Variants in PPM1H observed in about 807,000 individuals in gnomAD.
PPM1H encodes the protein protein phosphatase 1H.
A neutral mutation model predicts 54.9 loss-of-function variants in PPM1H; 27 were observed. The observed-to-expected ratio is 0.49, with a 90% CI of 0.36 to 0.68. PPM1H has a LOEUF of 0.68. PPM1H is among the 30% of genes least tolerant of loss of function. The pLI is 0.00. For missense variants in PPM1H, 596 were observed against 667.8 expected (o/e 0.89, Z 1.19); for synonymous variants, 305 against 270.8 (o/e 1.13, Z -1.24).
intron 4 of PPM1H, among the ~76,000 whole-genome samples, chr12:62,750,594 G>C (rs546758569): frequency 6.6e-6 from 1 of 152,228 alleles, no homozygotes; most frequent in East Asian, 1.9e-4. Context: ...ACAAGTTTTT[G>C]TGTAAATATA....
chr12:62,898,725 C>G (rs1871071424), intron 1 of PPM1H, among the ~76,000 whole-genome samples: 1 of 152,160 alleles, frequency 6.6e-6, no homozygotes, highest in Admixed American at 6.5e-5. Context: ...ATTACCAACC[C>G]ACATTTCTCC....
At chr12:62,839,673 A>AG (rs1868650232) in intron 1 of PPM1H, among the ~76,000 whole-genome samples, 1 of 152,010 alleles carries the variant, frequency 6.6e-6, no homozygotes, top group East Asian at 1.9e-4. Flanking sequence ...AAAAAAAAAA[A>AG]AAAAGTCAAG....
chr12:62,899,207 T>G (rs1412242814), intron 1 of PPM1H, among the ~76,000 whole-genome samples: 1 of 152,142 alleles, frequency 6.6e-6, no homozygotes, highest in Admixed American at 6.6e-5. Context: ...TGTATTTTTT[T>G]ATTAGCTATC....
At chr12:62,890,754 AC>A in intron 1 of PPM1H, among the ~76,000 whole-genome samples, 1 of 149,922 alleles carries the variant, frequency 6.7e-6, no homozygotes, top group East Asian at 2.0e-4. Context: ...ACACACACAC[AC>A]ATATATATAT....
intron 3 of PPM1H, among the ~76,000 whole-genome samples, chr12:62,799,431 C>T (rs576546797): frequency 1.8e-4 from 27 of 152,292 alleles, no homozygotes; most frequent in Non-Finnish European, 3.7e-4. Flanking sequence ...TTCACTTCTA[C>T]CATGCAAACT....
chr12:62,669,264 A>C (rs1449878117), intron 8 of PPM1H, among the ~76,000 whole-genome samples: 1 of 152,194 alleles, frequency 6.6e-6, no homozygotes, highest in Non-Finnish European at 1.5e-5. Flanking sequence ...ATGTGGTCCA[A>C]TTTTCACTGT....
At chr12:62,830,722 A>C (rs1237785221) in intron 2 of PPM1H, among the ~76,000 whole-genome samples, 1 of 152,212 alleles carries the variant, frequency 6.6e-6, no homozygotes, top group Non-Finnish European at 1.5e-5. Context: ...TGTTTGGAAA[A>C]GGCCTTCCTT....
intron 1 of PPM1H, among the ~76,000 whole-genome samples, chr12:62,910,289 G>T (rs1871416074): frequency 6.6e-6 from 1 of 152,182 alleles, no homozygotes; most frequent in Non-Finnish European, 1.5e-5. Flanking sequence ...TGAATACATT[G>T]GGATGCTTAT....
intron 1 of PPM1H, among the ~76,000 whole-genome samples, chr12:62,914,691 G>C (rs1039239863): frequency 6.6e-6 from 1 of 152,176 alleles, no homozygotes; most frequent in African/African-American, 2.4e-5. Flanking sequence ...GTCTTCCAAT[G>C]ACAATTATAT....
intron 8 of PPM1H, among the ~76,000 whole-genome samples, chr12:62,686,398 T>C (rs1041805849): frequency 2.6e-5 from 4 of 152,182 alleles, no homozygotes; most frequent in African/African-American, 9.7e-5. Context: ...CGGATGCTTT[T>C]TGGAAAGTAG....
At chr12:62,704,815 G>A (rs342180) in intron 6 of PPM1H, among the ~76,000 whole-genome samples, 84,178 of 152,018 alleles carry the variant, frequency 0.55, 26,762 homozygotes, top group African/African-American at 0.87. Flanking sequence ...CGACAATGCA[G>A]CTGCCCTGGA....
Position 62,644,491 on chromosome 12 carries a change from A to G in PPM1H, c.*3998T>C, listed in dbSNP as rs2075774532. 6.6e-6 allele frequency: 1 copy of G among 152,272 alleles called. No homozygotes were observed. Among genetic ancestry groups the G allele is most frequent in the African/African-American group, 2.4e-5 (1 of 41,462 alleles). The allele number at this position is 152,272 out of a possible 1,614,324, so 9.4% of individuals were successfully genotyped here. A position where few individuals can be genotyped will look rare whatever the true frequency, so the allele number is the denominator to read the frequency against. On this transcript the variant is annotated 3_prime_UTR_variant, in exon 10 of 10. Transcript: ENST00000228705. ...TGGTCACTGTCTACCTGGTTGCTAC[A>G]TGAACAAAACTTCACCTAAGACACA...
At chr12:62,811,311 C>T (rs1268133251) in intron 2 of PPM1H, among the ~76,000 whole-genome samples, 1 of 152,150 alleles carries the variant, frequency 6.6e-6, no homozygotes, top group Admixed American at 6.5e-5. Context: ...CTGTATTCAG[C>T]ACATAGGAGT....
At chr12:62,878,677 T>C (rs1278253853) in intron 1 of PPM1H, among the ~76,000 whole-genome samples, 5 of 141,976 alleles carry the variant, frequency 3.5e-5, no homozygotes, top group African/African-American at 1.1e-4. Flanking sequence ...TGGTGGCTCA[T>C]GCCTGTAATC....
intron 5 of PPM1H, among the ~76,000 whole-genome samples, chr12:62,731,960 C>T (rs940010311): frequency 6.6e-6 from 1 of 152,160 alleles, no homozygotes; most frequent in Non-Finnish European, 1.5e-5. Context: ...AAATGTCCAT[C>T]AACCAGACAC....
At chr12:62,855,888 G>C (rs1030721094) in intron 1 of PPM1H, among the ~76,000 whole-genome samples, 1 of 152,202 alleles carries the variant, frequency 6.6e-6, no homozygotes, top group East Asian at 1.9e-4. Context: ...TACTTTGAAA[G>C]AGTTTGATCC....
chr12:62,856,105 A>G (rs1437275943), intron 1 of PPM1H, among the ~76,000 whole-genome samples: 1 of 152,210 alleles, frequency 6.6e-6, no homozygotes, highest in African/African-American at 2.4e-5. Flanking sequence ...CTTCTTCTCC[A>G]GCTGGTTTCC....
intron 6 of PPM1H, among the ~76,000 whole-genome samples, chr12:62,696,880 T>C (rs1291787944): frequency 6.6e-6 from 1 of 152,222 alleles, no homozygotes; most frequent in East Asian, 1.9e-4. Context: ...AGAAATGTGA[T>C]ATCAGGACTT....
intron 4 of PPM1H, among the ~76,000 whole-genome samples, chr12:62,743,300 C>T (rs1453664026): frequency 6.6e-6 from 1 of 152,088 alleles, no homozygotes; most frequent in South Asian, 2.1e-4. Flanking sequence ...TTGCAGTGAG[C>T]CGAAACTGCA....
Sources: gnomAD v4.1 joint callset for allele counts (sites outside exome capture counted in the v4.1 genomes callset) on GRCh38, gnomAD v4.1.1 for gene constraint, MANE v1.5 for transcripts, NCBI Gene and HGNC (gene_info 2026-07-23, HGNC 2026-07-21) for gene names.